AMMECR1: variants seen among roughly 807,000 people sequenced by gnomAD.
AMMECR1 encodes nuclear protein AMMECR1.
A neutral mutation model predicts 22.5 loss-of-function variants in AMMECR1; 3 were observed. The observed-to-expected ratio is 0.13, with a 90% CI of 0.06 to 0.35. The LOEUF (loss-of-function observed/expected upper bound fraction) is 0.35. AMMECR1 is among the 10% of genes least tolerant of loss of function. The pLI is 1.00. For missense variants in AMMECR1, 235 were observed against 278.7 expected, an observed-to-expected ratio of 0.84 and a Z score of 1.12; for synonymous variants, 130 against 116.7, an observed-to-expected ratio of 1.11 and a Z score of -0.74.
intron 2 of AMMECR1, among the ~76,000 whole-genome samples, chrX:110,239,100 G>A (rs1350416223): frequency 2.7e-5 from 3 of 111,977 alleles, no homozygotes; most frequent in Non-Finnish European, 5.6e-5. Flanking sequence ...GGAAAAAACA[G>A]CGCAAAAAGG....
intron 2 of AMMECR1, among the ~76,000 whole-genome samples, chrX:110,395,370 C>T (rs1445483617): frequency 8.9e-6 from 1 of 112,182 alleles, no homozygotes; most frequent in East Asian, 2.8e-4. Context: ...AGAGGCTAGA[C>T]TGTTTCCTCT....
chrX:110,415,009 C>T (rs917711971), intron 2 of AMMECR1, among the ~76,000 whole-genome samples: 1 of 111,835 alleles, frequency 8.9e-6, no homozygotes, highest in African/African-American at 3.3e-5. Flanking sequence ...CCCTTTCCTG[C>T]CCACTTTAAA....
chrX:110,397,785 G>A (rs1467473571), intron 2 of AMMECR1, among the ~76,000 whole-genome samples: 1 of 112,129 alleles, frequency 8.9e-6, no homozygotes. Flanking sequence ...GCAGAGATGT[G>A]AAAAGGAAGT....
At chrX:110,291,467 A>T (rs1184029561) in intron 1 of AMMECR1, among the ~76,000 whole-genome samples, 1 of 111,556 alleles carries the variant, frequency 9.0e-6, no homozygotes, top group East Asian at 2.8e-4. Flanking sequence ...CAGAGGTCGC[A>T]GTGAGCAGAG....
chrX:110,338,030 A>G (rs2068147617), intron 2 of AMMECR1, among the ~76,000 whole-genome samples: 1 of 112,023 alleles, frequency 8.9e-6, no homozygotes, highest in Admixed American at 9.5e-5. Context: ...TCATAGAGAC[A>G]GAAAACAGAA....
At position 110,387,046 on chromosome X, in the gene AMMECR1, G is replaced by A. The variant is rs759932491; in HGVS notation, c.-148+39612C>T. Among the ~76,000 whole-genome samples the A allele has an allele frequency of 7.1e-5, 8 of 112,495 alleles. No homozygotes were observed. The East Asian group carries it at 1.1e-3, about 16-fold the overall frequency. On this transcript the variant is annotated intron_variant, in intron 2 of 7. Transcript: ENST00000372057. ...GAGGGAGAAAGCACTTGGGGCTGAG[G>A]TGGTCAGGGGAAGCTTTAAGGAGAA...
chrX:110,341,636 C>T (rs2068164554), intron 2 of AMMECR1, among the ~76,000 whole-genome samples: 1 of 112,305 alleles, frequency 8.9e-6, no homozygotes, highest in South Asian at 3.7e-4. Context: ...TCTCAGTTAT[C>T]AGATCGACTG....
At chrX:110,232,285 A>T (rs1229702393) in intron 2 of AMMECR1, among the ~76,000 whole-genome samples, 2 of 111,931 alleles carry the variant, frequency 1.8e-5, no homozygotes, top group Non-Finnish European at 3.8e-5. Flanking sequence ...TCCTCAGCAA[A>T]TGTAAAAGAA....
chrX:110,201,457 C>T (rs2067396701), intron 4 of AMMECR1, among the ~76,000 whole-genome samples: 1 of 111,872 alleles, frequency 8.9e-6, no homozygotes, highest in African/African-American at 3.3e-5. Flanking sequence ...CACCACCTCA[C>T]AGTAATTGTT....
intron 1 of AMMECR1, among the ~76,000 whole-genome samples, chrX:110,301,372 A>T (rs1284773248): frequency 8.9e-6 from 1 of 112,599 alleles, no homozygotes; most frequent in East Asian, 2.8e-4. Context: ...CTGCTTGCAC[A>T]GGGTCTAAAA....
chrX:110,254,935 C>T (rs2067703190), intron 2 of AMMECR1, among the ~76,000 whole-genome samples: 1 of 111,743 alleles, frequency 8.9e-6, no homozygotes, highest in Non-Finnish European at 1.9e-5. Context: ...CCCAAATGTA[C>T]CATGTTTTCT....
At position 110,195,420 on chromosome X, in the gene AMMECR1, T is replaced by C. The variant is rs948433230; in HGVS notation, c.*3100A>G. 1.8e-5 allele frequency: 2 copies of C among 111,925 alleles called. No homozygotes were observed. The highest frequency in any genetic ancestry group is 6.5e-5 in the African/African-American group (2 of 30,782). The allele number at this position is 111,925 out of a possible 1,213,427, so 9.2% of individuals were successfully genotyped here. On this transcript the variant is annotated 3_prime_UTR_variant, in exon 6 of 6. Transcript: ENST00000262844. ...AATCTGGTACCTGGCTGACCTTGTT[T>C]AAGAACAAGAAAACCCTTCCAGAAA...
chrX:110,255,890 T>A (rs879140597), intron 2 of AMMECR1, among the ~76,000 whole-genome samples: 1 of 112,391 alleles, frequency 8.9e-6, no homozygotes, highest in Non-Finnish European at 1.9e-5. Context: ...ACACCAAGTG[T>A]AAATCTGTAC....
chrX:110,416,369 G>A (rs1033150576), intron 2 of AMMECR1, among the ~76,000 whole-genome samples: 6 of 111,877 alleles, frequency 5.4e-5, no homozygotes, highest in Non-Finnish European at 9.4e-5. Context: ...ACCATGTCCC[G>A]GGCACATGGT....
At chrX:110,346,857 T>C (rs778089604) in intron 2 of AMMECR1, 4 of 648,710 alleles carry the variant, frequency 6.2e-6, no homozygotes, top group East Asian at 3.2e-5. Context: ...GGCCTCCAGC[T>C]GGAGCTGTTG....
chrX:110,387,987 A>G (rs1435386666), intron 2 of AMMECR1, among the ~76,000 whole-genome samples: 1 of 105,176 alleles, frequency 9.5e-6, no homozygotes, highest in African/African-American at 3.5e-5. Flanking sequence ...TCAGCCTCCC[A>G]AGTAGCTGGG....
rs192631756 is a variant in AMMECR1, at chrX:110,282,472, C to T, written c.474-17873G>A. On this transcript the variant is annotated intron_variant, in intron 1 of 5. Transcript: ENST00000262844. ...ATGAACTGCTACAGGAATCCAAGGA[C>T]GCTATCCATTAAAAAGTTCCTGGAA... Among the ~76,000 whole-genome samples, 16 of 110,297 alleles carry T rather than the reference C, an allele frequency of 1.5e-4. 1 individual carries two copies. The Admixed American group carries it at 1.5e-3, about 11-fold the overall frequency.
intron 1 of AMMECR1, among the ~76,000 whole-genome samples, chrX:110,313,335 G>A (rs1346181897): frequency 8.9e-6 from 1 of 112,040 alleles, no homozygotes; most frequent in Non-Finnish European, 1.9e-5. Flanking sequence ...TATGTGCTAT[G>A]GTCTATACAA....
At chrX:110,419,101 CAT>C (rs2068699647) in intron 2 of AMMECR1, 3 of 112,435 alleles carry the variant, frequency 2.7e-5, no homozygotes, top group South Asian at 7.4e-4. Flanking sequence ...AATTCTACAA[CAT>C]ATGGAGCGCC....
Sources: allele counts gnomAD v4.1 joint callset (sites outside exome capture counted in the v4.1 genomes callset), GRCh38; gene constraint gnomAD v4.1.1; transcripts MANE v1.5; gene names NCBI Gene and HGNC (gene_info 2026-07-23, HGNC 2026-07-21).